The following ZNF254 variants were observed in gnomAD, a reference collection of about 807,000 sequenced individuals.
ZNF254 encodes zinc finger protein 254.
Under a neutral mutation model 12.4 loss-of-function variants are expected in ZNF254, and 10 were observed. The observed-to-expected ratio is 0.80, with a 90% CI of 0.50 to 1.36. The LOEUF is 1.36. ZNF254 is among the 40% of genes most tolerant of loss of function. ZNF254 has a pLI of 0.00. For missense variants in ZNF254, 996 were observed against 763.9 expected (o/e 1.30, Z -3.58); for synonymous variants, 305 against 253.4 (o/e 1.20, Z -1.93).
chr19:24,038,116 CT>C (rs1452442206), intron 1 of ZNF254, among the ~76,000 whole-genome samples: 1 of 152,104 alleles, frequency 6.6e-6, no homozygotes, highest in African/African-American at 2.4e-5. Flanking sequence ...GCTAAATAGG[CT>C]TTTTGTCAGT....
intron 1 of ZNF254, among the ~76,000 whole-genome samples, chr19:24,091,320 A>G (rs1972370079): frequency 6.6e-6 from 1 of 152,082 alleles, no homozygotes; most frequent in African/African-American, 2.4e-5. Context: ...ATAAAGAAAA[A>G]AAAAAAAAAA....
chr19:24,079,200 A>C (rs1029846165), intron 2 of ZNF254: 2 of 152,232 alleles, frequency 1.3e-5, no homozygotes, highest in Non-Finnish European at 2.9e-5. Context: ...GAAGAAAAAG[A>C]GTTGGACATA....
At position 24,126,442 on chromosome 19, in the gene ZNF254, A is replaced by G. The variant is rs1180613352; in HGVS notation, c.442A>G (p.Thr148Ala). The G allele has an allele frequency of 1.3e-6, 2 of 1,596,638 alleles. No homozygotes were observed. The highest frequency in any genetic ancestry group is 2.7e-5 in the African/African-American group (2 of 73,894). ...GYNGLNQCFT[T>A]AQSKVFQCDK... ...TAATGGACTTAACCAGTGTTTCACA[A>G]CTGCCCAGAGCAAAGTATTTCAATG... Residue 148 changes from threonine to alanine, a missense_variant, in exon 4 of 4, where the codon ACT (threonine) becomes GCT (alanine). Physicochemically the swap from Thr to Ala is moderately conservative, Grantham distance 58. Transcript: ENST00000357002.
chr19:24,127,787 A>C lies in ZNF254; in HGVS notation c.1787A>C (p.His596Pro), dbSNP rs1975001361. 6.2e-7 allele frequency: 1 copy of C among 1,612,624 alleles called. No homozygotes were observed. Among genetic ancestry groups the C allele is most frequent in the African/African-American group, 1.3e-5 (1 of 74,880 alleles). ...ACTTTTACTAAACATAAGGTAATTC[A>C]TACTGGAGTAAAACCCTACAAATGT... ...SSTFTKHKVI[H>P]TGVKPYKCEE... is the part of the protein sequence containing the mutation. Residue 596 changes from histidine to proline, a missense_variant, in exon 4 of 4, where the codon CAT (histidine) becomes CCT (proline). Coordinates refer to ENST00000357002, the MANE Select transcript of ZNF254 (RefSeq NM_203282.4).
intron 2 of ZNF254, among the ~76,000 whole-genome samples, chr19:24,076,511 A>T (rs1971664940): frequency 6.6e-6 from 1 of 152,186 alleles, no homozygotes; most frequent in Admixed American, 6.5e-5. Context: ...TTATTCTGTG[A>T]CTAAGAATGC....
intron 1 of ZNF254, 102 bp downstream of exon 1, chr19:24,087,439 C>T: frequency 2.0e-6 from 3 of 1,465,096 alleles, no homozygotes; most frequent in Non-Finnish European, 2.9e-6. Flanking sequence ...GTCAGCTCCA[C>T]AATCTGCGCC....
intron 2 of ZNF254, among the ~76,000 whole-genome samples, chr19:24,056,008 T>G (rs1422283815): frequency 6.6e-6 from 1 of 152,188 alleles, no homozygotes; most frequent in East Asian, 1.9e-4. Context: ...CTCTCTTGCC[T>G]AAGACCAGCC....
intron 2 of ZNF254, among the ~76,000 whole-genome samples, chr19:24,048,486 A>G (rs62113753): frequency 0.16 from 24,199 of 152,182 alleles, 2,082 homozygotes; most frequent in Middle Eastern, 0.23. Context: ...GGTTCTCGCC[A>G]GTGCAGTACC....
chr19:24,121,381 T>C (rs910186381), intron 3 of ZNF254, among the ~76,000 whole-genome samples: 13 of 152,186 alleles, frequency 8.5e-5, no homozygotes, highest in Admixed American at 2.0e-4. Flanking sequence ...TTCTAGCATA[T>C]GCCACCATAC....
chr19:24,055,682 T>A (rs1970825674), intron 2 of ZNF254, among the ~76,000 whole-genome samples: 1 of 152,090 alleles, frequency 6.6e-6, no homozygotes, highest in Non-Finnish European at 1.5e-5. Context: ...CTAGAGGAAG[T>A]CAAAGGTGGA....
rs74175785 is a variant in ZNF254, at chr19:24,088,964, C to CTTTT, written c.30+1653_30+1656dup. On this transcript the variant is annotated intron_variant, in intron 1 of 3. Coordinates refer to ENST00000357002, the MANE Select transcript of ZNF254 (RefSeq NM_203282.4). Reference sequence around the variant, plus strand: ...GAGCCATCTCGCCTGGCCAATTAATCTTTTTTTTTTTTTTTTTTTTTTTTT... The same window carrying CTTTT: ...GAGCCATCTCGCCTGGCCAATTAATCTTTTTTTTTTTTTTTTTTTTTTTTTTTTT... 1.4e-3 allele frequency among the ~76,000 whole-genome samples: 142 copies of CTTTT among 99,284 alleles called. 12 individuals are homozygous for CTTTT. Among genetic ancestry groups the CTTTT allele is most frequent in the African/African-American group, 7.3e-3 (136 of 18,682 alleles). The allele number at this position is 99,284 out of a possible 152,430, so 65.1% of individuals were successfully genotyped here. A position where few individuals can be genotyped will look rare whatever the true frequency, so the allele number is the denominator to read the frequency against.
intron 2 of ZNF254, among the ~76,000 whole-genome samples, chr19:24,073,547 C>T (rs927630027): frequency 6.6e-6 from 1 of 152,144 alleles, no homozygotes; most frequent in South Asian, 2.1e-4. Flanking sequence ...GCACACCCAG[C>T]CGACAGTAAA....
chr19:24,115,590 G>T (rs1973999220), intron 3 of ZNF254, among the ~76,000 whole-genome samples: 3 of 151,622 alleles, frequency 2.0e-5, no homozygotes, highest in Admixed American at 2.0e-4. Flanking sequence ...CGAGTTAATG[G>T]GTGCAGCACA....
Position 24,110,644 on chromosome 19 carries a change from CTTG to C in ZNF254, c.253+4003_253+4005del, listed in dbSNP as rs1261648589. Among the ~76,000 whole-genome samples, 7 of 152,180 alleles carry C rather than the reference CTTG, an allele frequency of 4.6e-5. No homozygotes were observed. The East Asian group carries it at 1.4e-3, about 29-fold the overall frequency. On this transcript the variant is annotated intron_variant, in intron 3 of 3. Coordinates refer to ENST00000357002, the MANE Select transcript of ZNF254 (RefSeq NM_203282.4). ...CAAAAGACTTCTAGAAATTTTACATCTTGTAAAACTAAAACTCAATATCCCTTA... is the reference window on the plus strand; with the variant it reads ...CAAAAGACTTCTAGAAATTTTACATCTAAAACTAAAACTCAATATCCCTTA...
At chr19:24,113,805 T>C (rs1279973358) in intron 3 of ZNF254, among the ~76,000 whole-genome samples, 2 of 152,012 alleles carry the variant, frequency 1.3e-5, no homozygotes, top group African/African-American at 4.8e-5. Context: ...CAACCCAAAA[T>C]CTCCTTAAGC....
rs898424612 is a variant in ZNF254 at position 24,087,209 on chromosome 19, G to A, written c.-99G>A. 12 of 1,533,926 alleles carry A rather than the reference G, an allele frequency of 7.8e-6. No homozygotes were observed. Among genetic ancestry groups the A allele is most frequent in the Non-Finnish European group, 1.1e-5 (12 of 1,112,512 alleles). ...GGGGCCTTTGTCTCTCGCTGTCGCC[G>A]GAGTCCCAGGTCTGTCTTCACTGCT... On this transcript the variant is annotated 5_prime_UTR_variant, in exon 1 of 4. Coordinates refer to ENST00000357002, the MANE Select transcript of ZNF254 (RefSeq NM_203282.4).
At chr19:24,125,765 G>T (rs1369386076) in intron 3 of ZNF254, among the ~76,000 whole-genome samples, 1 of 152,192 alleles carries the variant, frequency 6.6e-6, no homozygotes, top group East Asian at 1.9e-4. Flanking sequence ...GGTCTCAGCA[G>T]ACTCAAACTC....
intron 1 of ZNF254, chr19:24,098,913 TC>T (rs1439455936): frequency 6.6e-6 from 1 of 151,458 alleles, no homozygotes; most frequent in African/African-American, 2.4e-5. Context: ...AACAATGCTC[TC>T]TTTACCATTA....
chr19:24,058,518 C>T (rs944195559), intron 2 of ZNF254, among the ~76,000 whole-genome samples: 1 of 151,356 alleles, frequency 6.6e-6, no homozygotes, highest in African/African-American at 2.4e-5. Flanking sequence ...TTAAACAATT[C>T]TGTCTCAGCC....
Sources: allele counts gnomAD v4.1 joint callset (sites outside exome capture counted in the v4.1 genomes callset), GRCh38; gene constraint gnomAD v4.1.1; transcripts MANE v1.5; gene names NCBI Gene and HGNC (gene_info 2026-07-23, HGNC 2026-07-21).